Variants in ABCC1 observed in about 807,000 individuals in gnomAD.
ABCC1 encodes the protein ATP binding cassette subfamily C member 1 (ABCC1 blood group).
ABCC1 carries 83 observed loss-of-function variants against 172.9 expected under a neutral mutation model. The observed-to-expected ratio is 0.48, with a 90% CI of 0.40 to 0.58. The LOEUF (loss-of-function observed/expected upper bound fraction) is 0.58. Ranked by LOEUF, ABCC1 falls within the 20% of genes least tolerant of loss-of-function variation. The pLI, the probability that ABCC1 is intolerant of heterozygous loss-of-function variation, is 0.00. For synonymous variants in ABCC1, 937 were observed against 825.2 expected (o/e 1.14, Z -2.32); for missense variants, 1,817 against 2,002.7 (o/e 0.91, Z 1.77).
chr16:16,063,160 G>A (rs1191933167), intron 12 of ABCC1, among the ~76,000 whole-genome samples: 1 of 152,118 alleles, frequency 6.6e-6, no homozygotes, highest in East Asian at 1.9e-4. Context: ...AGGCTGGAGT[G>A]CAGTGGCACA....
At chr16:16,103,565 G>A (rs1221519952) in intron 20 of ABCC1, among the ~76,000 whole-genome samples, 1 of 152,152 alleles carries the variant, frequency 6.6e-6, no homozygotes, top group Admixed American at 6.5e-5. Flanking sequence ...GGGTGACAGA[G>A]CGAGACTCCA....
chr16:15,966,548 C>T (rs2046246553), intron 1 of ABCC1, among the ~76,000 whole-genome samples: 1 of 151,978 alleles, frequency 6.6e-6, no homozygotes, highest in Admixed American at 6.6e-5. Flanking sequence ...GTTGGCTTAT[C>T]TGCGAGCCCT....
chr16:15,995,013 C>T (rs776596950), intron 1 of ABCC1, among the ~76,000 whole-genome samples: 4 of 151,602 alleles, frequency 2.6e-5, no homozygotes, highest in Admixed American at 6.6e-5. Flanking sequence ...CGTCTGTAAT[C>T]CCAGGTACTT....
At chr16:16,089,647 A>C (rs1342756202) in intron 18 of ABCC1, among the ~76,000 whole-genome samples, 1 of 152,122 alleles carries the variant, frequency 6.6e-6, no homozygotes, top group Non-Finnish European at 1.5e-5. Flanking sequence ...AGATAGGCAG[A>C]TTGCCTGAGG....
At chr16:16,100,154 G>A (rs1441511773) in intron 19 of ABCC1, among the ~76,000 whole-genome samples, 1 of 152,134 alleles carries the variant, frequency 6.6e-6, no homozygotes, top group African/African-American at 2.4e-5. Context: ...CCTCTTAGGC[G>A]CTTGGTCCTC....
At chr16:15,950,383 G>A (rs1264150644) in intron 1 of ABCC1, among the ~76,000 whole-genome samples, 1 of 151,972 alleles carries the variant, frequency 6.6e-6, no homozygotes, top group African/African-American at 2.4e-5. Context: ...AAGTTTGGGG[G>A]AACCAGGGAA....
intron 4 of ABCC1, among the ~76,000 whole-genome samples, chr16:16,015,503 G>A (rs2047961986): frequency 6.6e-6 from 1 of 152,226 alleles, no homozygotes; most frequent in South Asian, 2.1e-4. Flanking sequence ...AGACTGGCAT[G>A]AGGCAAAGGA....
intron 1 of ABCC1, among the ~76,000 whole-genome samples, chr16:15,974,541 ACCATC>A (rs1473309958): frequency 1.3e-5 from 2 of 152,068 alleles, no homozygotes; most frequent in African/African-American, 2.4e-5. Flanking sequence ...AAAGCCTCTC[ACCATC>A]CCTTAATCAT....
chr16:15,979,227 G>A (rs997635352), intron 1 of ABCC1, among the ~76,000 whole-genome samples: 1 of 151,980 alleles, frequency 6.6e-6, no homozygotes, highest in Non-Finnish European at 1.5e-5. Context: ...GGAGGCGGAG[G>A]TTGCAGTGAG....
chr16:16,103,616 GAAAACAGTAA>G (rs2051887308), intron 20 of ABCC1, among the ~76,000 whole-genome samples: 1 of 152,052 alleles, frequency 6.6e-6, no homozygotes, highest in Non-Finnish European at 1.5e-5. Flanking sequence ...AGCAGCAGCA[GAAAACAGTAA>G]AACAACAACA....
chr16:16,140,883 A>G (rs774416525), intron 30 of ABCC1, among the ~76,000 whole-genome samples: 12 of 152,132 alleles, frequency 7.9e-5, no homozygotes, highest in Non-Finnish European at 1.6e-4. Context: ...AGATCTTTTT[A>G]TTTTACTCTG....
At chr16:16,006,496 A>G (rs1225202297) in intron 1 of ABCC1, among the ~76,000 whole-genome samples, 1 of 152,114 alleles carries the variant, frequency 6.6e-6, no homozygotes, top group East Asian at 1.9e-4. Context: ...TTGGGCAGGT[A>G]CATCTGATCT....
chr16:16,102,981 C>T (rs867613660), intron 20 of ABCC1, among the ~76,000 whole-genome samples: 3 of 152,314 alleles, frequency 2.0e-5, no homozygotes, highest in East Asian at 1.9e-4. Context: ...GGGCTCCCTA[C>T]ATGGTGTGGG....
intron 20 of ABCC1, among the ~76,000 whole-genome samples, chr16:16,106,063 G>A (rs887190911): frequency 6.6e-6 from 1 of 151,974 alleles, no homozygotes; most frequent in Non-Finnish European, 1.5e-5. Context: ...TTTTAGTAGA[G>A]ACGGGGTTTC....
At chr16:16,086,265 G>T (rs1378201080) in intron 17 of ABCC1, among the ~76,000 whole-genome samples, 1 of 152,230 alleles carries the variant, frequency 6.6e-6, no homozygotes, top group Non-Finnish European at 1.5e-5. Context: ...CTTTTGCCCA[G>T]TTGACAGGTG....
At chr16:16,086,125 T>A (rs539934938) in intron 17 of ABCC1, among the ~76,000 whole-genome samples, 1 of 152,308 alleles carries the variant, frequency 6.6e-6, no homozygotes, top group South Asian at 2.1e-4. Context: ...CACCAGCGCC[T>A]TCCATGAGAC....
chr16:16,099,515 T>C (rs2051631151), intron 19 of ABCC1, among the ~76,000 whole-genome samples: 1 of 152,130 alleles, frequency 6.6e-6, no homozygotes, highest in South Asian at 2.1e-4. Flanking sequence ...ACAGAGGGTG[T>C]TTCCTGGAAG....
At chr16:16,092,362 C>T (rs1424928384) in intron 19 of ABCC1, among the ~76,000 whole-genome samples, 1 of 152,174 alleles carries the variant, frequency 6.6e-6, no homozygotes, top group African/African-American at 2.4e-5. Context: ...AAAGAAACCC[C>T]AATCCATCAG....
chr16:15,964,096 A>G (rs549892943), intron 1 of ABCC1, among the ~76,000 whole-genome samples: 2 of 152,162 alleles, frequency 1.3e-5, no homozygotes, highest in South Asian at 2.1e-4. Context: ...GGCACCCGCC[A>G]TCATGCCTGG....
Sources: gnomAD v4.1 joint callset for allele counts (sites outside exome capture counted in the v4.1 genomes callset) on GRCh38, gnomAD v4.1.1 for gene constraint, MANE v1.5 for transcripts, NCBI Gene and HGNC (gene_info 2026-07-23, HGNC 2026-07-21) for gene names.